CCDC138: variants seen among roughly 807,000 people sequenced by gnomAD.
CCDC138 encodes coiled-coil domain containing 138.
CCDC138 carries 66 observed loss-of-function variants against 82.3 expected under a neutral mutation model. The ratio of observed to expected loss-of-function variants is 0.80; its 90% CI spans 0.66 to 0.98. The LOEUF is 0.98. CCDC138 is among the 50% of genes least tolerant of loss of function. The pLI is 0.00. For missense variants in CCDC138, 816 were observed against 758.9 expected, an observed-to-expected ratio of 1.08 and a Z score of -0.88; for synonymous variants, 297 against 265.4, an observed-to-expected ratio of 1.12 and a Z score of -1.16.
intron 10 of CCDC138, among the ~76,000 whole-genome samples, chr2:108,823,344 T>C (rs1686025588): frequency 6.6e-6 from 1 of 152,168 alleles, no homozygotes; most frequent in Non-Finnish European, 1.5e-5. Context: ...TAAAAAACTA[T>C]TGACTAATAC....
intron 10 of CCDC138, among the ~76,000 whole-genome samples, chr2:108,831,738 G>A (rs202214382): frequency 2.0e-3 from 50 of 25,256 alleles, no homozygotes; most frequent in Non-Finnish European, 1.7e-3. Flanking sequence ...CCTTCCTTCC[G>A]TCCTTCCTGT....
chr2:108,804,888 G>C lies in CCDC138; in HGVS notation c.736-1G>C. On this transcript the variant is annotated splice_acceptor_variant, in intron 6 of 14. Coordinates refer to ENST00000295124, the MANE Select transcript of CCDC138 (RefSeq NM_144978.3). LOFTEE classifies it high-confidence loss of function. ...TGAGAGTTTTTTTTTTCTCCTCCTA[G>C]CAGCATGATGCAGAAGTTGAACACT... 1 of 1,533,730 alleles carries C rather than the reference G, an allele frequency of 6.5e-7. No homozygotes were observed. Among genetic ancestry groups the C allele is most frequent in the Non-Finnish European group, 8.7e-7 (1 of 1,148,662 alleles).
In CCDC138 at chr2:108,786,837, C is replaced by T. The variant is rs1212700986; in HGVS notation, c.15C>T (p.Val5=). Residue 5 remains valine, a synonymous_variant, in exon 1 of 15, where the codon GTC becomes GTT. Transcript: ENST00000295124. ...TGCTGTGTGCTATGGAGCCGAGGGT[C>T]GTCAAGCCACCGGGGCAGGATTTAG... MEPR[V]VKPPGQDLVV... is the part of the protein sequence containing the mutation. The T allele has an allele frequency of 6.3e-7, 1 of 1,591,278 alleles. No homozygotes were observed. The highest frequency in any genetic ancestry group is 8.5e-7 in the Non-Finnish European group (1 of 1,170,372).
intron 13 of CCDC138, among the ~76,000 whole-genome samples, chr2:108,861,827 G>A (rs1020923879): frequency 7.2e-5 from 11 of 152,194 alleles, no homozygotes; most frequent in African/African-American, 2.2e-4. Context: ...GTGAGCCACC[G>A]CGCCCAGCCT....
intron 10 of CCDC138, among the ~76,000 whole-genome samples, chr2:108,826,628 C>T (rs986115770): frequency 2.6e-5 from 4 of 152,078 alleles, no homozygotes; most frequent in African/African-American, 7.2e-5. Context: ...ATCCTTATGC[C>T]GGTGTCACAC....
chr2:108,809,446 T>TG (rs1683405563), intron 7 of CCDC138, among the ~76,000 whole-genome samples: 1 of 109,218 alleles, frequency 9.2e-6, no homozygotes. Context: ...GAACATGAAA[T>TG]GTTGTGTGTG....
intron 10 of CCDC138, among the ~76,000 whole-genome samples, chr2:108,827,302 C>T (rs1686777312): frequency 6.6e-6 from 1 of 151,952 alleles, no homozygotes; most frequent in African/African-American, 2.4e-5. Context: ...CCAAATACAT[C>T]AATATCTAAT....
chr2:108,864,401 G>A (rs1177864209), intron 13 of CCDC138, among the ~76,000 whole-genome samples: 1 of 152,194 alleles, frequency 6.6e-6, no homozygotes, highest in African/African-American at 2.4e-5. Context: ...GGTGGCCTAT[G>A]CCTGTAATTT....
intron 10 of CCDC138, 30 bp downstream of exon 10, chr2:108,816,135 C>T (rs1450031848): frequency 6.6e-7 from 1 of 1,507,846 alleles, no homozygotes. Flanking sequence ...ATATGTGATT[C>T]AGAATATATG....
chr2:108,846,764 GA>G lies in CCDC138; in HGVS notation c.1351del (p.Arg451AspfsTer11). On this transcript the variant is annotated frameshift_variant, in exon 12 of 15. Coordinates refer to ENST00000295124, the MANE Select transcript of CCDC138 (RefSeq NM_144978.3). LOFTEE classifies it high-confidence loss of function. Reference sequence around the variant, plus strand: ...ACTCGACTATGACATCAACATTGAGGAGATTGGGTGAAGACATTTTTAAAGG... The same window carrying G: ...ACTCGACTATGACATCAACATTGAGGGATTGGGTGAAGACATTTTTAAAGG... The part of the protein sequence containing the change: ...QHSTMTSTLR[R>X]LGEDIFKGVV... 6.2e-7 allele frequency: 1 copy of G among 1,612,424 alleles called. No individual in the cohort carries two copies. The highest frequency in any genetic ancestry group is 1.3e-5 in the African/African-American group (1 of 74,952).
intron 13 of CCDC138, among the ~76,000 whole-genome samples, chr2:108,867,633 T>C (rs894795469): frequency 6.6e-6 from 1 of 152,174 alleles, no homozygotes; most frequent in African/African-American, 2.4e-5. Context: ...GAGGGTGGAC[T>C]TGAAAAAAAA....
rs1203227952 is a variant in CCDC138 at position 108,846,834 on chromosome 2, G to T, written c.1420G>T (p.Val474Leu). 6 of 1,613,298 alleles carry T rather than the reference G, an allele frequency of 3.7e-6. No homozygotes were observed. The highest frequency in any genetic ancestry group is 1.3e-5 in the African/African-American group (1 of 74,884). Residue 474 changes from valine (V) to leucine (L), a missense_variant, in exon 12 of 15, where the codon GTG becomes TTG. Transcript: ENST00000295124. Reference sequence around the variant, plus strand: ...TCAGGATAATTCTCCACAGCATTCTGTGGAGAATAAACCAAAGACAGCTGC... The same window carrying T: ...TCAGGATAATTCTCCACAGCATTCTTTGGAGAATAAACCAAAGACAGCTGC... ...GIQDNSPQHS[V>L]ENKPKTAAFF...
chr2:108,854,527 T>C (rs1409399095), intron 12 of CCDC138, among the ~76,000 whole-genome samples: 1 of 152,218 alleles, frequency 6.6e-6, no homozygotes, highest in Non-Finnish European at 1.5e-5. Flanking sequence ...TATAAAACTT[T>C]AAGAGTTGGT....
At chr2:108,824,177 C>G (rs866087012) in intron 10 of CCDC138, among the ~76,000 whole-genome samples, 3 of 149,416 alleles carry the variant, frequency 2.0e-5, no homozygotes, top group African/African-American at 7.4e-5. Context: ...AAAATTTTTT[C>G]TTCATTAACA....
intron 6 of CCDC138, among the ~76,000 whole-genome samples, chr2:108,802,905 T>C (rs1458447031): frequency 1.3e-5 from 2 of 152,250 alleles, no homozygotes; most frequent in Non-Finnish European, 2.9e-5. Context: ...TTTTTGTCTT[T>C]GGCTCTGTTT....
intron 14 of CCDC138, among the ~76,000 whole-genome samples, chr2:108,874,922 A>T (rs375170549): frequency 1.4e-5 from 2 of 147,328 alleles, no homozygotes; most frequent in South Asian, 2.1e-4. Flanking sequence ...AATTCATGGG[A>T]TTTTTTTTTT....
intron 12 of CCDC138, among the ~76,000 whole-genome samples, chr2:108,854,443 A>C (rs1558739652): frequency 6.6e-6 from 1 of 152,062 alleles, no homozygotes; most frequent in South Asian, 2.1e-4. Context: ...TAATGAGAGA[A>C]TTGATGTAAA....
At chr2:108,796,210 G>A (rs569198908) in intron 5 of CCDC138, among the ~76,000 whole-genome samples, 5 of 151,928 alleles carry the variant, frequency 3.3e-5, no homozygotes, top group East Asian at 3.9e-4. Context: ...CACCGCGCCC[G>A]GCTAATTTTT....
chr2:108,787,026 G>C (rs1267227946), intron 1 of CCDC138, 111 bp downstream of exon 1: 5 of 591,608 alleles, frequency 8.5e-6, no homozygotes, highest in South Asian at 1.5e-4. Context: ...TCCCGGCCCC[G>C]GCACTCCCGC....
Sources: gnomAD v4.1 joint callset for allele counts (sites outside exome capture counted in the v4.1 genomes callset) on GRCh38, gnomAD v4.1.1 for gene constraint, MANE v1.5 for transcripts, NCBI Gene and HGNC (gene_info 2026-07-23, HGNC 2026-07-21) for gene names.